Variants in TCERG1L observed in about 807,000 individuals in gnomAD.
TCERG1L encodes transcription elongation regulator 1 like.
TCERG1L carries 37 observed loss-of-function variants against 56.3 expected under a neutral mutation model. The ratio of observed to expected loss-of-function variants is 0.66; its 90% CI spans 0.51 to 0.87. The LOEUF (loss-of-function observed/expected upper bound fraction) is 0.87. Among genes scored for constraint, TCERG1L ranks in the 40% least tolerant of loss-of-function variants. The pLI is 0.00. For synonymous variants in TCERG1L, 324 were observed against 326.3 expected (o/e 0.99, Z 0.08); for missense variants, 799 against 774.2 (o/e 1.03, Z -0.38).
At position 131,260,441 on chromosome 10, in the gene TCERG1L, C is replaced by T; in HGVS notation, c.674G>A (p.Gly225Asp). The stretch of plus-strand genomic sequence containing the variant: ...GGTCACCTTAAGGCTGTTATGGCAG[C>T]CACCTGCGGAAGAGGGATGCAGAGG... ...VVLAPQPIPG[G>D]CHNSLKVTSS... is the part of the protein sequence containing the mutation. Residue 225 changes from glycine to aspartate, a missense_variant, in exon 4 of 12, where the codon GGC becomes GAC. By Grantham distance (94) the Gly-to-Asp change is moderately conservative. Coordinates refer to ENST00000368642, the MANE Select transcript of TCERG1L (RefSeq NM_174937.4). This position sits in a 1 kb window ranked among gnomAD's most constrained non-coding sequence, Gnocchi z 5.8. The T allele has an allele frequency of 7.1e-7, 1 of 1,409,602 alleles. No individual in the cohort carries two copies. The highest frequency in any genetic ancestry group is 9.2e-7 in the Non-Finnish European group (1 of 1,082,376). 87.3% of individuals were successfully genotyped at this position (1,409,602 alleles called of 1,614,324 possible). A position where few individuals can be genotyped will look rare whatever the true frequency, so the allele number is the denominator to read the frequency against.
intron 4 of TCERG1L, among the ~76,000 whole-genome samples, chr10:131,191,981 A>C (rs1845308918): frequency 7.0e-6 from 1 of 142,466 alleles, no homozygotes; most frequent in African/African-American, 2.6e-5. Context: ...ACAATTCCTG[A>C]CTAAGACCCT....
At chr10:131,120,716 T>G (rs1232656809) in intron 8 of TCERG1L, among the ~76,000 whole-genome samples, 3 of 152,210 alleles carry the variant, frequency 2.0e-5, no homozygotes, top group Non-Finnish European at 2.9e-5. Context: ...TGTGGGCAAA[T>G]GCACTGATGC....
intron 11 of TCERG1L, among the ~76,000 whole-genome samples, chr10:131,097,905 G>A (rs1323188039): frequency 6.6e-6 from 1 of 152,182 alleles, no homozygotes; most frequent in African/African-American, 2.4e-5. Context: ...AGGGGTTATG[G>A]TGCTGTTGTT....
chr10:131,207,468 G>A (rs1845549674), intron 4 of TCERG1L, among the ~76,000 whole-genome samples: 1 of 152,234 alleles, frequency 6.6e-6, no homozygotes, highest in Non-Finnish European at 1.5e-5. Flanking sequence ...CATGAAGACA[G>A]ATGTTCCCTT....
At chr10:131,281,477 C>T (rs550175395) in intron 3 of TCERG1L, among the ~76,000 whole-genome samples, 1 of 152,238 alleles carries the variant, frequency 6.6e-6, no homozygotes, top group African/African-American at 2.4e-5. Flanking sequence ...CAAGAGTGAG[C>T]ACCACCTTGT....
At chr10:131,187,875 G>C (rs910472984) in intron 4 of TCERG1L, among the ~76,000 whole-genome samples, 2 of 152,166 alleles carry the variant, frequency 1.3e-5, no homozygotes, top group African/African-American at 4.8e-5. Flanking sequence ...TCTGCAGAGG[G>C]GAGGGCTCCA....
intron 8 of TCERG1L, among the ~76,000 whole-genome samples, chr10:131,123,125 GCC>G (rs1845529918): frequency 6.6e-6 from 1 of 152,140 alleles, no homozygotes; most frequent in African/African-American, 2.4e-5. Context: ...GCTGCATGGG[GCC>G]CCTTGGTTAG....
chr10:131,105,689 A>T (rs1157846136), intron 9 of TCERG1L, among the ~76,000 whole-genome samples: 1 of 151,652 alleles, frequency 6.6e-6, no homozygotes, highest in Non-Finnish European at 1.5e-5. Context: ...GACTCCAGTC[A>T]TGAGTGACTG....
At position 131,093,108 on chromosome 10, in the gene TCERG1L, C is replaced by T. The variant is rs552930535; in HGVS notation, c.*54G>A. 1.3e-3 allele frequency: 2,100 copies of T among 1,584,002 alleles called. 42 individuals are homozygous for T. Among genetic ancestry groups the T allele is most frequent in the Non-Finnish European group, 1.3e-4 (149 of 1,164,734 alleles). Reference sequence around the variant, plus strand: ...GTGTCCGTCTCCACCGTGACCCCCTCGCCCCCGGCACGCCCAGGGTCAACC... The same window carrying T: ...GTGTCCGTCTCCACCGTGACCCCCTTGCCCCCGGCACGCCCAGGGTCAACC... On this transcript the variant is annotated 3_prime_UTR_variant, in exon 12 of 12. Transcript: ENST00000368642.
At chr10:131,133,540 C>A (rs375838047) in intron 8 of TCERG1L, among the ~76,000 whole-genome samples, 15 of 152,204 alleles carry the variant, frequency 9.9e-5, no homozygotes, top group African/African-American at 3.4e-4. Context: ...TCAGGAAGAG[C>A]CTGGGAAGCG....
chr10:131,217,930 T>C (rs1845688857), intron 4 of TCERG1L, among the ~76,000 whole-genome samples: 1 of 152,098 alleles, frequency 6.6e-6, no homozygotes, highest in Admixed American at 6.6e-5. Context: ...TTCACCATGT[T>C]AGCCAGGATG....
At chr10:131,171,695 C>T (rs4592349) in intron 4 of TCERG1L, among the ~76,000 whole-genome samples, 69,843 of 152,060 alleles carry the variant, frequency 0.46, 19,152 homozygotes, top group South Asian at 0.69. Flanking sequence ...CTCAGCCTCC[C>T]GAGCAGCTGA....
chr10:131,234,852 C>A (rs183002436), intron 4 of TCERG1L, among the ~76,000 whole-genome samples: 2 of 152,128 alleles, frequency 1.3e-5, no homozygotes, highest in African/African-American at 2.4e-5. Flanking sequence ...TACAGGCGTG[C>A]GCCACCACGC....
At chr10:131,156,049 C>G (rs181858627) in intron 6 of TCERG1L, 1 of 152,350 alleles carries the variant, frequency 6.6e-6, no homozygotes, top group African/African-American at 2.4e-5. Context: ...CCTCCCTCAG[C>G]TTAGCGAGTG....
At chr10:131,280,393 G>C (rs972395401) in intron 3 of TCERG1L, among the ~76,000 whole-genome samples, 2 of 145,340 alleles carry the variant, frequency 1.4e-5, no homozygotes, top group South Asian at 2.2e-4. Flanking sequence ...GTTTGGTCTG[G>C]AAACGAGGGA....
At chr10:131,121,736 G>C (rs942987545) in intron 8 of TCERG1L, among the ~76,000 whole-genome samples, 1 of 151,864 alleles carries the variant, frequency 6.6e-6, no homozygotes, top group African/African-American at 2.4e-5. Context: ...CCTGCCTCCC[G>C]TATAGTCTTG....
intron 4 of TCERG1L, among the ~76,000 whole-genome samples, chr10:131,237,223 C>G (rs1379342300): frequency 1.3e-5 from 2 of 152,110 alleles, no homozygotes; most frequent in Non-Finnish European, 2.9e-5. Context: ...CAAGCTTTGC[C>G]CAGAAGGTCA....
At chr10:131,162,488 T>C (rs1164351481) in intron 6 of TCERG1L, 1 of 152,286 alleles carries the variant, frequency 6.6e-6, no homozygotes, top group African/African-American at 2.4e-5. Context: ...CTGCCTTCTG[T>C]ACCTGGCTGG....
chr10:131,225,968 C>T (rs1281917831), intron 4 of TCERG1L, among the ~76,000 whole-genome samples: 9 of 152,234 alleles, frequency 5.9e-5, no homozygotes, highest in African/African-American at 2.2e-4. Context: ...AACAGGGTCT[C>T]ACGCTGTCAT....
Sources: gnomAD v4.1 joint callset for allele counts (sites outside exome capture counted in the v4.1 genomes callset) on GRCh38, gnomAD v4.1.1 for gene constraint, Gnocchi (gnomAD v3.1) non-coding constraint, MANE v1.5 for transcripts, NCBI Gene and HGNC (gene_info 2026-07-23, HGNC 2026-07-21) for gene names.